Variants in SERPINA10 observed in about 807,000 individuals in gnomAD.
SERPINA10 encodes protein Z-dependent protease inhibitor.
SERPINA10 carries 24 observed loss-of-function variants against 28.0 expected under a neutral mutation model. The ratio of observed to expected loss-of-function variants is 0.86; its 90% CI spans 0.62 to 1.20. The LOEUF is 1.20. Among genes scored for constraint, SERPINA10 ranks in the 50% most tolerant of loss-of-function variants. The probability of loss-of-function intolerance (pLI) is 0.00; values close to 1 mark genes in which losing one functional copy is unlikely to be tolerated. For synonymous variants in SERPINA10, 207 were observed against 203.9 expected (o/e 1.02, Z -0.13); for missense variants, 521 against 537.7 (o/e 0.97, Z 0.31).
Position 94,281,853 on chromosome 14 carries a change from T to C in SERPINA10, c.*2112A>G, listed in dbSNP as rs1296317224. ...TATTACTGGGTTTGGCCATATTGAT[T>C]TCAGTGAGTATTGTGCTCTCACAGA... On this transcript the variant is annotated 3_prime_UTR_variant, in exon 5 of 5. Transcript: ENST00000261994. 2 of 152,400 alleles carry C rather than the reference T, an allele frequency of 1.3e-5. No individual in the cohort carries two copies. Among genetic ancestry groups the C allele is most frequent in the African/African-American group, 4.8e-5 (2 of 41,464 alleles). 9.4% of individuals were successfully genotyped at this position (152,400 alleles called of 1,614,324 possible). A position where few individuals can be genotyped will look rare whatever the true frequency, so the allele number is the denominator to read the frequency against.
chr14:94,289,588 C>T (rs1895108889), intron 2 of SERPINA10, among the ~76,000 whole-genome samples: 1 of 151,640 alleles, frequency 6.6e-6, no homozygotes, highest in African/African-American at 2.4e-5. Flanking sequence ...CCAGATAATC[C>T]CCCAGCCCCC....
intron 4 of SERPINA10, among the ~76,000 whole-genome samples, chr14:94,285,652 G>C (rs1261826423): frequency 6.6e-6 from 1 of 152,006 alleles, no homozygotes; most frequent in Non-Finnish European, 1.5e-5. Context: ...TGGTGAGTTT[G>C]ATGTCACTGG....
Position 94,282,701 on chromosome 14 carries a change from G to GC in SERPINA10, c.*1263dup, listed in dbSNP as rs1448991468. 2 of 152,176 alleles carry GC rather than the reference G, an allele frequency of 1.3e-5. No individual in the cohort carries two copies. The highest frequency in any genetic ancestry group is 2.9e-5 in the Non-Finnish European group (2 of 68,034). The allele number at this position is 152,176 out of a possible 1,614,324, so 9.4% of individuals were successfully genotyped here. ...GCCCAAGGCTGACAGTACTGTAAGG[G>GC]CCCATGAAGGTGTTTTGCTTATTGC... On this transcript the variant is annotated 3_prime_UTR_variant, in exon 5 of 5. Transcript: ENST00000261994.
In SERPINA10 at chr14:94,288,383, G is replaced by C. The variant is rs753466598; in HGVS notation, c.895C>G (p.Leu299Val). The stretch of plus-strand genomic sequence containing the variant: ...CCCATTTTCTCCATGAGGACCACCA[G>C]CATGGTGGCATTTCCTTGGTAGGGC... ...KLPYQGNATM[L>V]VVLMEKMGDH... The change falls in exon 3 of 5, where the codon CTG becomes GTG. Residue 299 changes from leucine (L) to valine (V), a missense_variant. Transcript: ENST00000261994. 9.3e-6 allele frequency: 15 copies of C among 1,614,126 alleles called. No individual in the cohort carries two copies. The highest frequency in any genetic ancestry group is 1.2e-5 in the Non-Finnish European group (14 of 1,180,010).
chr14:94,286,719 G>T (rs957760981), intron 3 of SERPINA10, among the ~76,000 whole-genome samples: 3 of 152,148 alleles, frequency 2.0e-5, no homozygotes, highest in African/African-American at 7.2e-5. Flanking sequence ...TTGTATACTG[G>T]AGTCCTCCTT....
intron 4 of SERPINA10, 121 bp from the exon 5 acceptor site, chr14:94,284,277 G>C (rs1894969534): frequency 1.1e-6 from 1 of 884,520 alleles, no homozygotes; most frequent in South Asian, 1.4e-5. Flanking sequence ...GGGATTTAGT[G>C]GAGCAGGCCC....
rs533301052 is a variant in SERPINA10 at position 94,285,060 on chromosome 14, A to T, written c.1144-904T>A. On this transcript the variant is annotated intron_variant, in intron 4 of 4. Transcript: ENST00000261994. ...CCTGATTCCAGGCCACAGTTACCCT[A>T]CTGTGTCCTACTTAAGTGGATGCCA... 3.9e-5 allele frequency among the ~76,000 whole-genome samples: 6 copies of T among 152,260 alleles called. No homozygotes were observed. In the East Asian group the frequency reaches 1.2e-3, roughly 29 times the overall value.
chr14:94,285,965 G>C (rs1318540509), intron 4 of SERPINA10, 143 bp downstream of exon 4: 5 of 981,996 alleles, frequency 5.1e-6, no homozygotes, highest in Non-Finnish European at 7.8e-6. Context: ...CATCCAACCT[G>C]GGTGCTATTT....
intron 3 of SERPINA10, among the ~76,000 whole-genome samples, chr14:94,287,004 A>G (rs1895041992): frequency 6.6e-6 from 1 of 152,198 alleles, no homozygotes; most frequent in Non-Finnish European, 1.5e-5. Context: ...TTCAGAAGCC[A>G]TAGCCATGGA....
chr14:94,284,102 C>T lies in SERPINA10; in HGVS notation c.1198G>A (p.Gly400Arg). 6.2e-7 allele frequency: 1 copy of T among 1,614,196 alleles called. No homozygotes were observed. Among genetic ancestry groups the T allele is most frequent in the Non-Finnish European group, 8.5e-7 (1 of 1,180,010 alleles). The change falls in exon 5 of 5, where the codon GGA becomes AGA. Residue 400 changes from glycine (G) to arginine (R), a missense_variant. Coordinates refer to ENST00000261994, the MANE Select transcript of SERPINA10 (RefSeq NM_001100607.3). ...TAAGCAGTAATTTCTGACAAGATTC[C>T]TGCCACTGCCTCAGTGCCCCTTTCA... ...VDERGTEAVA[G>R]ILSEITAYSM...
Position 94,280,879 on chromosome 14 carries a change from C to T in SERPINA10, c.*3086G>A, listed in dbSNP as rs760257320. On this transcript the variant is annotated 3_prime_UTR_variant, in exon 5 of 5. Coordinates refer to ENST00000261994, the MANE Select transcript of SERPINA10 (RefSeq NM_001100607.3). ...AGCACATAAAGTTTTTCTTTATAAC[C>T]TCTTACACATTTAAAAAATCATTTC... 3.9e-5 allele frequency: 6 copies of T among 152,092 alleles called. No homozygotes were observed. Among genetic ancestry groups the T allele is most frequent in the Non-Finnish European group, 8.8e-5 (6 of 68,012 alleles). 9.4% of individuals were successfully genotyped at this position (152,092 alleles called of 1,614,324 possible). A position where few individuals can be genotyped will look rare whatever the true frequency, so the allele number is the denominator to read the frequency against.
Position 94,289,728 on chromosome 14 carries a change from C to T in SERPINA10, c.718+148G>A, listed in dbSNP as rs369871576. The T allele has an allele frequency of 4.9e-5, 43 of 884,566 alleles. No homozygotes were observed. In the African/African-American group the frequency reaches 7.1e-4, roughly 15 times the overall value. The allele number at this position is 884,566 out of a possible 1,614,324, so 54.8% of individuals were successfully genotyped here. On this transcript the variant is annotated intron_variant, in intron 2 of 4. Transcript: ENST00000261994. The stretch of plus-strand genomic sequence containing the variant: ...TCAAATGACAGCGTCTGGCACTGTT[C>T]AATATGTGTATCAATCTGTTTTTGA...
rs1251198060 is a variant in SERPINA10, at chr14:94,290,536, G to C, written c.58C>G (p.Pro20Ala). 1 of 1,613,124 alleles carries C rather than the reference G, an allele frequency of 6.2e-7. No individual in the cohort carries two copies. Among genetic ancestry groups the C allele is most frequent in the Non-Finnish European group, 8.5e-7 (1 of 1,179,752 alleles). ...GACTGAGGACTGGGGGCCAAGCCGG[G>C]TACCAGCCACACCTGTGCCAGGAGG... ...SVLLAQVWLV[P>A]GLAPSPQSPE... Residue 20 changes from proline (P) to alanine (A), a missense_variant, in exon 2 of 5, where the codon CCC (proline) becomes GCC (alanine). Coordinates refer to ENST00000261994, the MANE Select transcript of SERPINA10 (RefSeq NM_001100607.3).
chr14:94,289,683 T>A lies in SERPINA10; in HGVS notation c.718+193A>T, dbSNP rs562830431. On this transcript the variant is annotated intron_variant, in intron 2 of 4. Transcript: ENST00000261994. ...GAAAATAATAAGGACTACAAGCACA[T>A]AGGATACCAGGGAAGGGCCTCAAAT... Among the ~76,000 whole-genome samples, 15 of 152,164 alleles carry A rather than the reference T, an allele frequency of 9.9e-5. No individual in the cohort carries two copies. In the East Asian group the frequency reaches 2.9e-3, roughly 29 times the overall value.
intron 4 of SERPINA10, 91 bp downstream of exon 4, chr14:94,286,017 G>A: frequency 6.8e-7 from 1 of 1,461,826 alleles, no homozygotes; most frequent in Admixed American, 1.8e-5. Context: ...CTACAATTAG[G>A]TATTTTATCA....
chr14:94,288,809 G>A (rs1347043155), intron 2 of SERPINA10, among the ~76,000 whole-genome samples: 1 of 152,162 alleles, frequency 6.6e-6, no homozygotes, highest in Non-Finnish European at 1.5e-5. Context: ...GGCCCTATTG[G>A]GAATCGCACA....
rs1894929876 is a variant in SERPINA10 at position 94,282,776 on chromosome 14, G to A, written c.*1189C>T. On this transcript the variant is annotated 3_prime_UTR_variant, in exon 5 of 5. Coordinates refer to ENST00000261994, the MANE Select transcript of SERPINA10 (RefSeq NM_001100607.3). ...AGCTAGATATGCAACTTTGAAAGAC[G>A]AATATATTCATCTTTCTACCAATGC... is the stretch of plus-strand genomic sequence containing the variant. 6.6e-6 allele frequency: 1 copy of A among 152,118 alleles called. No individual in the cohort carries two copies. 9.4% of individuals were successfully genotyped at this position (152,118 alleles called of 1,614,324 possible). A position where few individuals can be genotyped will look rare whatever the true frequency, so the allele number is the denominator to read the frequency against.
At chr14:94,290,737 T>C (rs934973961) in intron 1 of SERPINA10, 94 bp from the exon 2 acceptor site, 3 of 1,406,802 alleles carry the variant, frequency 2.1e-6, no homozygotes, top group Non-Finnish European at 2.9e-6. Flanking sequence ...CTCCTTCCTG[T>C]GGCTCAAGTA....
chr14:94,290,795 G>C, intron 1 of SERPINA10, 152 bp from the exon 2 acceptor site: 1 of 811,488 alleles, frequency 1.2e-6, no homozygotes, highest in Non-Finnish European at 1.9e-6. Context: ...GGTGACATTT[G>C]CTCACCCAAA....
Sources: gnomAD v4.1 joint callset for allele counts (sites outside exome capture counted in the v4.1 genomes callset) on GRCh38, gnomAD v4.1.1 for gene constraint, MANE v1.5 for transcripts, NCBI Gene and HGNC (gene_info 2026-07-23, HGNC 2026-07-21) for gene names.